Variants in PCDHAC1 observed in about 807,000 individuals in gnomAD.
PCDHAC1 encodes the protein protocadherin alpha subfamily C, 1.
Under a neutral mutation model 60.0 loss-of-function variants are expected in PCDHAC1, and 42 were observed. The observed-to-expected ratio is 0.70, with a 90% confidence interval of 0.55 to 0.90. PCDHAC1 has a LOEUF of 0.90. Among genes scored for constraint, PCDHAC1 ranks in the 40% least tolerant of loss-of-function variants. PCDHAC1 has a pLI of 0.00. For missense variants in PCDHAC1, 1,160 were observed against 1,222.3 expected (o/e 0.95, Z 0.76); for synonymous variants, 468 against 499.3 (o/e 0.94, Z 0.84).
intron 1 of PCDHAC1, among the ~76,000 whole-genome samples, chr5:140,949,990 C>T (rs2094438709): frequency 6.6e-6 from 1 of 151,832 alleles, no homozygotes; most frequent in Non-Finnish European, 1.5e-5. Context: ...TAACTTTTCT[C>T]AGTCCACTTA....
chr5:140,941,242 T>TC (rs1312617364), intron 1 of PCDHAC1, among the ~76,000 whole-genome samples: 1 of 141,172 alleles, frequency 7.1e-6, no homozygotes, highest in East Asian at 2.0e-4. Flanking sequence ...TTTCTTTCTT[T>TC]CTTTCTTTCT....
At chr5:140,967,820 C>A (rs1162525542) in intron 1 of PCDHAC1, 29 of 1,614,052 alleles carry the variant, frequency 1.8e-5, no homozygotes, top group Non-Finnish European at 2.5e-5. Context: ...CTGCAAGGTG[C>A]TGGTGGACAT....
chr5:140,986,355 T>C (rs1381730343), intron 3 of PCDHAC1, among the ~76,000 whole-genome samples: 3 of 152,154 alleles, frequency 2.0e-5, no homozygotes, highest in African/African-American at 7.2e-5. Context: ...CTTCTTCAGA[T>C]GGAGGAATGC....
chr5:140,927,720 G>T lies in PCDHAC1; in HGVS notation c.828G>T (p.Thr276=). The T allele has an allele frequency of 3.1e-6, 5 of 1,614,174 alleles. No homozygotes were observed. The Middle Eastern group carries it at 4.9e-4, about 160-fold the overall frequency. The change falls in exon 1 of 4, where the codon ACG becomes ACT. Residue 276 remains threonine, a synonymous_variant. Coordinates refer to ENST00000253807, the MANE Select transcript of PCDHAC1 (RefSeq NM_018898.5). ...GEVQYSLSNS[T]QAELRHRFHV... ...TCCAGTACTCCCTAAGCAACAGCACGCAAGCAGAGCTGCGACACCGCTTTC... is the reference window on the plus strand; with the variant it reads ...TCCAGTACTCCCTAAGCAACAGCACTCAAGCAGAGCTGCGACACCGCTTTC...
chr5:140,945,829 A>G (rs1472344558), intron 1 of PCDHAC1, among the ~76,000 whole-genome samples: 1 of 152,180 alleles, frequency 6.6e-6, no homozygotes, highest in Non-Finnish European at 1.5e-5. Flanking sequence ...ACAAAAGTCA[A>G]CTCAAAATGG....
intron 1 of PCDHAC1, among the ~76,000 whole-genome samples, chr5:140,934,654 T>G (rs1178051306): frequency 6.6e-6 from 1 of 152,168 alleles, no homozygotes; most frequent in African/African-American, 2.4e-5. Flanking sequence ...AATGTTTGAT[T>G]CTTCCCCTTT....
chr5:141,000,361 G>GTCTC (rs148596731), intron 3 of PCDHAC1, among the ~76,000 whole-genome samples: 446 of 26,454 alleles, frequency 0.017, 11 homozygotes, highest in Non-Finnish European at 0.022. Flanking sequence ...GTCTCTCTCT[G>GTCTC]TCTCTCTCTC....
At chr5:140,969,439 T>C (rs1554231802) in intron 1 of PCDHAC1, 2 of 1,546,634 alleles carry the variant, frequency 1.3e-6, no homozygotes, top group Admixed American at 3.9e-5. Context: ...AAGAGTTATC[T>C]GGTAAACTGA....
intron 1 of PCDHAC1, among the ~76,000 whole-genome samples, chr5:140,971,546 A>G (rs1236125448): frequency 6.6e-6 from 1 of 152,146 alleles, no homozygotes; most frequent in African/African-American, 2.4e-5. Context: ...TGCCAGATCA[A>G]CCTGTTAAAT....
Position 140,928,231 on chromosome 5 carries a change from C to T in PCDHAC1, c.1339C>T (p.Gln447Ter), listed in dbSNP as rs2085058715. 2 of 1,614,108 alleles carry T rather than the reference C, an allele frequency of 1.2e-6. No homozygotes were observed. Among genetic ancestry groups the T allele is most frequent in the South Asian group, 2.2e-5 (2 of 91,086 alleles). ...DVNDNTPNFP[Q>*]PQQELFVAEN... ...GAATGACAATACACCAAACTTTCCT[C>T]AACCCCAGCAGGAACTTTTCGTTGC... The change falls in exon 1 of 4, where the codon CAA becomes TAA. Residue 447 changes from glutamine (Q) to a stop codon, truncating the protein, a stop_gained. Coordinates refer to ENST00000253807, the MANE Select transcript of PCDHAC1 (RefSeq NM_018898.5). LOFTEE classifies it high-confidence loss of function.
intron 3 of PCDHAC1, among the ~76,000 whole-genome samples, chr5:141,000,421 A>ATT (rs34755515): frequency 0.021 from 589 of 27,976 alleles, 60 homozygotes; most frequent in Middle Eastern, 0.062. Flanking sequence ...ATATATATAT[A>ATT]TTTTTTTTTT....
intron 1 of PCDHAC1, among the ~76,000 whole-genome samples, chr5:140,940,230 TA>T (rs2153645241): frequency 6.6e-6 from 1 of 152,330 alleles, no homozygotes; most frequent in Non-Finnish European, 1.5e-5. Flanking sequence ...TTCATTTTGG[TA>T]CATTAAAGTT....
At chr5:141,005,985 T>C (rs2098249971) in intron 3 of PCDHAC1, among the ~76,000 whole-genome samples, 1 of 151,848 alleles carries the variant, frequency 6.6e-6, no homozygotes, top group Non-Finnish European at 1.5e-5. Context: ...AAAGAGTGTT[T>C]GAGGATCTGA....
In PCDHAC1 at chr5:141,010,490, A is replaced by C; in HGVS notation, c.*553A>C. 1.6e-6 allele frequency: 1 copy of C among 640,034 alleles called. No individual in the cohort carries two copies. The highest frequency in any genetic ancestry group is 2.4e-6 in the Non-Finnish European group (1 of 411,150). The allele number at this position is 640,034 out of a possible 1,614,324, so 39.6% of individuals were successfully genotyped here. On this transcript the variant is annotated 3_prime_UTR_variant, in exon 4 of 4. Coordinates refer to ENST00000253807, the MANE Select transcript of PCDHAC1 (RefSeq NM_018898.5). ...GGAGGGGAAGTGTAAACTTAAAGGG[A>C]CCAGACTTTCTAAATCTTACAACTC...
intron 3 of PCDHAC1, among the ~76,000 whole-genome samples, chr5:141,009,296 T>A (rs889577032): frequency 3.3e-4 from 50 of 152,004 alleles, no homozygotes; most frequent in Non-Finnish European, 5.3e-4. Context: ...TTCTATAAAA[T>A]TTTTTTTAAA....
chr5:141,001,910 C>T (rs1365182561), intron 3 of PCDHAC1, among the ~76,000 whole-genome samples: 1 of 152,196 alleles, frequency 6.6e-6, no homozygotes, highest in Non-Finnish European at 1.5e-5. Flanking sequence ...TTGAAAAAGA[C>T]TGCAGTGGCT....
intron 3 of PCDHAC1, among the ~76,000 whole-genome samples, chr5:140,982,966 G>A (rs1407279371): frequency 6.6e-6 from 1 of 151,986 alleles, no homozygotes; most frequent in African/African-American, 2.4e-5. Flanking sequence ...CCCACCCAAA[G>A]TAGTAAGGAA....
In PCDHAC1 at chr5:141,011,583, A is replaced by G. The variant is rs2098421115; in HGVS notation, c.*1646A>G. On this transcript the variant is annotated 3_prime_UTR_variant, in exon 4 of 4. Transcript: ENST00000253807. ...AGTAAAATTTCTTTCTTAAATCAAG[A>G]TACTGGTGATTCAAGGAATTTTATT... is the stretch of plus-strand genomic sequence containing the variant. 1 of 153,656 alleles carries G rather than the reference A, an allele frequency of 6.5e-6. No individual in the cohort carries two copies. Among genetic ancestry groups the G allele is most frequent in the Admixed American group, 6.6e-5 (1 of 15,258 alleles). The allele number at this position is 153,656 out of a possible 1,614,324, so 9.5% of individuals were successfully genotyped here.
At position 140,967,913 on chromosome 5, in the gene PCDHAC1, A is replaced by G. The variant is rs548732358; in HGVS notation, c.2434-11036A>G. 3.7e-6 allele frequency: 6 copies of G among 1,614,184 alleles called. No homozygotes were observed. The highest frequency in any genetic ancestry group is 1.3e-5 in the African/African-American group (1 of 75,042). ...GCCTGAGAATGCTACACCCAACACC[A>G]TTGTGGCCGTTCTCAGTGTCAATGA... On this transcript the variant is annotated intron_variant, in intron 1 of 3. Transcript: ENST00000253807.
Sources: gnomAD v4.1 joint callset for allele counts (sites outside exome capture counted in the v4.1 genomes callset) on GRCh38, gnomAD v4.1.1 for gene constraint, MANE v1.5 for transcripts, NCBI Gene and HGNC (gene_info 2026-07-23, HGNC 2026-07-21) for gene names.